FBXL2: variants seen among roughly 807,000 people sequenced by gnomAD.
The protein encoded by FBXL2 is F-box and leucine rich repeat protein 2, also known as F-box/LRR-repeat protein 2.
Under a neutral mutation model 69.2 loss-of-function variants are expected in FBXL2, and 38 were observed. The ratio of observed to expected loss-of-function variants is 0.55; its 90% CI spans 0.42 to 0.72. FBXL2 has a LOEUF of 0.72. Ranked by LOEUF, FBXL2 falls within the 30% of genes least tolerant of loss-of-function variation. The probability of loss-of-function intolerance (pLI) is 0.00; values close to 1 mark genes in which losing one functional copy is unlikely to be tolerated. For synonymous variants in FBXL2, 192 were observed against 201.3 expected, an observed-to-expected ratio of 0.95 and a Z score of 0.39; for missense variants, 354 against 520.3, an observed-to-expected ratio of 0.68 and a Z score of 3.11.
chr3:33,394,714 C>T (rs2043900319), intron 12 of FBXL2, among the ~76,000 whole-genome samples: 1 of 151,236 alleles, frequency 6.6e-6, no homozygotes, highest in Admixed American at 6.6e-5. Flanking sequence ...TTTTCCATTA[C>T]ATAAAAGAAG....
intron 12 of FBXL2, among the ~76,000 whole-genome samples, chr3:33,395,719 A>G (rs1442408270): frequency 7.0e-6 from 1 of 142,954 alleles, no homozygotes; most frequent in Non-Finnish European, 1.5e-5. Flanking sequence ...TTATGCTTTA[A>G]GAGTTCTCCC....
intron 1 of FBXL2, among the ~76,000 whole-genome samples, chr3:33,277,760 G>T (rs1002989465): frequency 6.6e-5 from 10 of 152,146 alleles, no homozygotes; most frequent in Non-Finnish European, 1.5e-4. Flanking sequence ...TGGAGTCGGG[G>T]TGACAGCCCG....
intron 1 of FBXL2, among the ~76,000 whole-genome samples, chr3:33,293,933 T>C (rs916984023): frequency 3.9e-5 from 6 of 152,144 alleles, no homozygotes; most frequent in African/African-American, 1.4e-4. Context: ...TCTTCTCAAG[T>C]GTACATGGAA....
At chr3:33,282,691 C>T (rs534531800) in intron 1 of FBXL2, among the ~76,000 whole-genome samples, 1 of 152,244 alleles carries the variant, frequency 6.6e-6, no homozygotes, top group African/African-American at 2.4e-5. Flanking sequence ...ATGGAATGTT[C>T]TTCCATTTGT....
intron 1 of FBXL2, among the ~76,000 whole-genome samples, chr3:33,294,411 T>G (rs374588592): frequency 2.6e-5 from 4 of 152,272 alleles, no homozygotes; most frequent in African/African-American, 7.2e-5. Flanking sequence ...ATTAACACAT[T>G]ATTAATCAAT....
chr3:33,313,620 A>C (rs55912131), intron 2 of FBXL2, among the ~76,000 whole-genome samples: 1 of 148,830 alleles, frequency 6.7e-6, no homozygotes, highest in Non-Finnish European at 1.5e-5. Flanking sequence ...TAATTGTTTT[A>C]TTTTTTTTGT....
chr3:33,323,530 G>C (rs1055949893), intron 2 of FBXL2, among the ~76,000 whole-genome samples: 1 of 152,030 alleles, frequency 6.6e-6, no homozygotes, highest in African/African-American at 2.4e-5. Context: ...TCATTGTTCA[G>C]CTCTCACTTA....
chr3:33,359,402 G>C, intron 4 of FBXL2, 45 bp downstream of exon 4: 1 of 1,361,562 alleles, frequency 7.3e-7, no homozygotes, highest in East Asian at 2.3e-5. Context: ...AAAAATATGA[G>C]TAGCTGTTCC....
intron 2 of FBXL2, among the ~76,000 whole-genome samples, chr3:33,330,127 T>C (rs1270778330): frequency 6.6e-6 from 1 of 151,654 alleles, no homozygotes; most frequent in East Asian, 1.9e-4. Context: ...TAGAAAAAAA[T>C]TTTAAATTAG....
chr3:33,321,584 C>T (rs571841629), intron 2 of FBXL2, among the ~76,000 whole-genome samples: 231 of 152,246 alleles, frequency 1.5e-3, no homozygotes, highest in African/African-American at 5.4e-3. Context: ...AATGGAGATA[C>T]GTCCTCAGAA....
chr3:33,379,639 G>A (rs575173698), intron 13 of FBXL2, among the ~76,000 whole-genome samples: 1 of 149,678 alleles, frequency 6.7e-6, no homozygotes, highest in African/African-American at 2.5e-5. Context: ...TTTTTAATGA[G>A]GCCAGTAATA....
intron 1 of FBXL2, among the ~76,000 whole-genome samples, chr3:33,292,419 A>G (rs879414991): frequency 4.6e-5 from 7 of 152,146 alleles, no homozygotes; most frequent in Non-Finnish European, 1.0e-4. Flanking sequence ...CCTCACAACA[A>G]AGCTTCAAAA....
downstream of FBXL2, among the ~76,000 whole-genome samples, chr3:33,405,448 A>G (rs2044393051): frequency 6.6e-6 from 1 of 152,248 alleles, no homozygotes; most frequent in South Asian, 2.1e-4. Flanking sequence ...CCTCCTTTGC[A>G]GCTATTTAAA....
At chr3:33,346,606 G>T (rs2040458591) in intron 2 of FBXL2, among the ~76,000 whole-genome samples, 1 of 151,814 alleles carries the variant, frequency 6.6e-6, no homozygotes, top group African/African-American at 2.4e-5. Flanking sequence ...AAATAAAAAG[G>T]AGTAGAAATT....
intron 12 of FBXL2, 81 bp from the exon 13 acceptor site, chr3:33,378,604 A>T (rs2042799938): frequency 7.2e-7 from 1 of 1,387,794 alleles, no homozygotes; most frequent in Non-Finnish European, 9.9e-7. Context: ...ACACCTTTTG[A>T]TTCTCGTGTT....
chr3:33,392,489 G>T, downstream of FBXL2: 1 of 1,249,144 alleles, frequency 8.0e-7, no homozygotes, highest in Non-Finnish European at 1.1e-6. Context: ...GAATAAACAC[G>T]AGAGGCACTA....
At chr3:33,410,410 T>A in the FBXL2 span, among the ~76,000 whole-genome samples, 1 of 152,222 alleles carries the variant, frequency 6.6e-6, no homozygotes, top group Non-Finnish European at 1.5e-5. Flanking sequence ...ACATAACTAG[T>A]TGCCTTATAG....
chr3:33,330,207 G>A (rs138751919), intron 2 of FBXL2, among the ~76,000 whole-genome samples: 5 of 151,660 alleles, frequency 3.3e-5, no homozygotes, highest in East Asian at 3.9e-4. Context: ...CTCTTGGGCC[G>A]CAGAGGTTGA....
intron 11 of FBXL2, 114 bp from the exon 12 acceptor site, chr3:33,377,986 ACTT>A (rs2042754318): frequency 2.1e-6 from 2 of 966,532 alleles, no homozygotes; most frequent in East Asian, 2.4e-5. Context: ...AAGAGGGCAT[ACTT>A]CTTAACAGAA....
Sources: allele counts gnomAD v4.1 joint callset (sites outside exome capture counted in the v4.1 genomes callset), GRCh38; gene constraint gnomAD v4.1.1; transcripts MANE v1.5; gene names NCBI Gene and HGNC (gene_info 2026-07-23, HGNC 2026-07-21).